The following TACR1 variants were observed in gnomAD, a reference collection of about 807,000 sequenced individuals.
TACR1 encodes the protein substance-P receptor.
TACR1 carries 25 observed loss-of-function variants against 35.8 expected under a neutral mutation model. The observed-to-expected ratio is 0.70, with a 90% CI of 0.51 to 0.98. TACR1 has a LOEUF of 0.98. TACR1 is among the 50% of genes least tolerant of loss of function. The pLI is 0.00. For missense variants in TACR1, 478 were observed against 522.9 expected (o/e 0.91, Z 0.84); for synonymous variants, 195 against 206.7 (o/e 0.94, Z 0.48).
chr2:75,076,960 C>A (rs1005424588), intron 2 of TACR1, among the ~76,000 whole-genome samples: 2 of 152,078 alleles, frequency 1.3e-5, no homozygotes, highest in African/African-American at 4.8e-5. Context: ...TAATTTTCAC[C>A]ACACATCTAT....
chr2:75,135,495 T>A (rs1674262795), intron 1 of TACR1, among the ~76,000 whole-genome samples: 1 of 152,216 alleles, frequency 6.6e-6, no homozygotes, highest in East Asian at 1.9e-4. Flanking sequence ...TGCTACTGGC[T>A]GGATCCAGTG....
chr2:75,160,883 T>A (rs866089188), intron 1 of TACR1, among the ~76,000 whole-genome samples: 9 of 151,392 alleles, frequency 5.9e-5, no homozygotes, highest in Admixed American at 2.0e-4. Context: ...ATATATTTTC[T>A]TATTTCAATG....
chr2:75,108,978 C>G (rs566409542), intron 2 of TACR1, among the ~76,000 whole-genome samples: 1 of 152,230 alleles, frequency 6.6e-6, no homozygotes, highest in South Asian at 2.1e-4. Flanking sequence ...AGGAGGTCAC[C>G]CACTGGCCAG....
intron 2 of TACR1, among the ~76,000 whole-genome samples, chr2:75,066,885 G>A (rs1322316071): frequency 6.6e-6 from 1 of 152,230 alleles, no homozygotes; most frequent in Non-Finnish European, 1.5e-5. Context: ...AACATTTAAT[G>A]TGGGAGTGAT....
intron 1 of TACR1, among the ~76,000 whole-genome samples, chr2:75,147,348 A>G (rs141008874): frequency 6.6e-6 from 1 of 152,374 alleles, no homozygotes; most frequent in East Asian, 1.9e-4. Flanking sequence ...CCAAGTGGTC[A>G]TAACATAATG....
chr2:75,063,544 T>C (rs1480341377), intron 2 of TACR1, among the ~76,000 whole-genome samples: 1 of 152,242 alleles, frequency 6.6e-6, no homozygotes, highest in East Asian at 1.9e-4. Context: ...GACCACTTAT[T>C]GGATACTCTA....
chr2:75,049,974 G>C (rs1196584064), intron 4 of TACR1, among the ~76,000 whole-genome samples: 2 of 152,208 alleles, frequency 1.3e-5, no homozygotes, highest in East Asian at 3.8e-4. Context: ...TTTACTGGGG[G>C]TGGCCCTGAA....
At chr2:75,182,518 A>T (rs1448971731) in intron 1 of TACR1, among the ~76,000 whole-genome samples, 2 of 152,246 alleles carry the variant, frequency 1.3e-5, no homozygotes, top group African/African-American at 4.8e-5. Flanking sequence ...TGTTTCAGTC[A>T]ATAACAGACT....
In TACR1 at chr2:75,049,053, G is replaced by T; in HGVS notation, c.*379C>A. 1 of 187,654 alleles carries T rather than the reference G, an allele frequency of 5.3e-6. No individual in the cohort carries two copies. The allele number at this position is 187,654 out of a possible 1,614,324, so 11.6% of individuals were successfully genotyped here. On this transcript the variant is annotated 3_prime_UTR_variant, in exon 5 of 5. Transcript: ENST00000305249. ...TGAGATAACTTTATTGAAGTAACAC[G>T]GGGCTCCAGGAAAATGAGTCTTCCG...
intron 2 of TACR1, among the ~76,000 whole-genome samples, chr2:75,099,993 A>G (rs1572929927): frequency 6.6e-6 from 1 of 152,226 alleles, no homozygotes; most frequent in African/African-American, 2.4e-5. Flanking sequence ...AGAATAAAGC[A>G]TAAACTCAGT....
At chr2:75,180,375 C>T (rs1308161643) in intron 1 of TACR1, among the ~76,000 whole-genome samples, 1 of 151,984 alleles carries the variant, frequency 6.6e-6, no homozygotes, top group South Asian at 2.1e-4. Flanking sequence ...ACTATTTATC[C>T]CTCTCTGTAT....
chr2:75,195,277 A>G (rs1394009681), intron 1 of TACR1, among the ~76,000 whole-genome samples: 1 of 152,014 alleles, frequency 6.6e-6, no homozygotes, highest in Admixed American at 6.6e-5. Context: ...ATTCTAGGTA[A>G]CTGCTGCCTT....
chr2:75,105,295 C>T (rs1673616535), intron 2 of TACR1, among the ~76,000 whole-genome samples: 1 of 152,022 alleles, frequency 6.6e-6, no homozygotes, highest in Non-Finnish European at 1.5e-5. Context: ...AAGACAAATA[C>T]TGCACGATCT....
intron 2 of TACR1, among the ~76,000 whole-genome samples, chr2:75,115,559 A>G (rs1327802150): frequency 1.3e-5 from 2 of 152,336 alleles, no homozygotes; most frequent in African/African-American, 4.8e-5. Flanking sequence ...AAGTCCACCA[A>G]TAAATGATTG....
At chr2:75,057,721 G>C (rs980822306) in intron 2 of TACR1, among the ~76,000 whole-genome samples, 3 of 152,150 alleles carry the variant, frequency 2.0e-5, no homozygotes, top group Non-Finnish European at 4.4e-5. Flanking sequence ...ATCTGTTTGA[G>C]ATAAAGATGT....
intron 2 of TACR1, among the ~76,000 whole-genome samples, chr2:75,112,088 G>C (rs977850442): frequency 1.3e-5 from 2 of 151,916 alleles, no homozygotes; most frequent in Admixed American, 1.3e-4. Flanking sequence ...GGTTATTCAG[G>C]TTTCCAAAAA....
intron 2 of TACR1, among the ~76,000 whole-genome samples, chr2:75,101,082 C>G (rs1278273764): frequency 6.6e-6 from 1 of 150,376 alleles, no homozygotes; most frequent in Non-Finnish European, 1.5e-5. Context: ...TTGGACACGG[C>G]AGAAAACTGA....
At chr2:75,151,354 C>T (rs2103965673) in intron 1 of TACR1, among the ~76,000 whole-genome samples, 1 of 152,318 alleles carries the variant, frequency 6.6e-6, no homozygotes, top group African/African-American at 2.4e-5. Flanking sequence ...GGCCCAGGGT[C>T]CCTGTGCTGT....
At chr2:75,063,582 C>G (rs2103801427) in intron 2 of TACR1, among the ~76,000 whole-genome samples, 1 of 152,296 alleles carries the variant, frequency 6.6e-6, no homozygotes, top group Admixed American at 6.5e-5. Context: ...TAAATTTGCA[C>G]TTGGACCACA....
Sources: allele counts gnomAD v4.1 joint callset (sites outside exome capture counted in the v4.1 genomes callset), GRCh38; gene constraint gnomAD v4.1.1; transcripts MANE v1.5; gene names NCBI Gene and HGNC (gene_info 2026-07-23, HGNC 2026-07-21).